ZNF474: variants seen among roughly 807,000 people sequenced by gnomAD.
ZNF474 encodes the protein zinc finger protein 474, also known as 4933409D10Rik.
For synonymous variants in ZNF474, 192 were observed against 162.2 expected (o/e 1.18, Z -1.39); for missense variants, 511 against 433.8 (o/e 1.18, Z -1.58).
intron 1 of ZNF474, chr5:122,147,871 G>T (rs1429503542): frequency 2.0e-5 from 3 of 152,148 alleles, no homozygotes; most frequent in Non-Finnish European, 4.4e-5. Context: ...CATGAACCCT[G>T]AAGAGAATGG....
At chr5:122,136,243 T>A (rs1005210014) in intron 1 of ZNF474, among the ~76,000 whole-genome samples, 1 of 152,158 alleles carries the variant, frequency 6.6e-6, no homozygotes, top group Admixed American at 6.6e-5. Flanking sequence ...TATCAAAATA[T>A]CATACCTATG....
At chr5:122,143,653 G>A (rs1755907212) in intron 1 of ZNF474, among the ~76,000 whole-genome samples, 1 of 152,136 alleles carries the variant, frequency 6.6e-6, no homozygotes, top group African/African-American at 2.4e-5. Flanking sequence ...GAAAGAAAAA[G>A]TGTACCAAAT....
chr5:122,143,633 C>G (rs1755906877), intron 1 of ZNF474, among the ~76,000 whole-genome samples: 2 of 152,156 alleles, frequency 1.3e-5, no homozygotes, highest in Non-Finnish European at 2.9e-5. Flanking sequence ...ACAAAATGGA[C>G]AGCTTGGCAG....
At chr5:122,133,926 A>T (rs1028364189) in intron 1 of ZNF474, among the ~76,000 whole-genome samples, 5 of 152,194 alleles carry the variant, frequency 3.3e-5, no homozygotes, top group African/African-American at 4.8e-5. Context: ...TACCAACTGG[A>T]CCTTCATATG....
At chr5:122,147,486 C>G (rs1044087649) in intron 1 of ZNF474, among the ~76,000 whole-genome samples, 2 of 152,154 alleles carry the variant, frequency 1.3e-5, no homozygotes, top group African/African-American at 4.8e-5. Flanking sequence ...TAAATCATCA[C>G]TTACATTAGG....
chr5:122,134,751 C>T (rs1319565817), intron 1 of ZNF474, among the ~76,000 whole-genome samples: 2 of 152,098 alleles, frequency 1.3e-5, no homozygotes, highest in African/African-American at 4.8e-5. Context: ...TCTTGAGTGC[C>T]TGGTACTTGG....
rs191665301 is a variant in ZNF474 at position 122,133,097 on chromosome 5, C to A, written c.-213+3414C>A. On this transcript the variant is annotated intron_variant, in intron 1 of 1. Coordinates refer to ENST00000296600, the MANE Select transcript of ZNF474 (RefSeq NM_207317.3). ...CCAAAAATATAGTTATAATCTTATTCAGGAATCATAATCCCAGTGAAAAAA... is the reference window on the plus strand; with the variant it reads ...CCAAAAATATAGTTATAATCTTATTAAGGAATCATAATCCCAGTGAAAAAA... 2.3e-3 allele frequency among the ~76,000 whole-genome samples: 355 copies of A among 152,170 alleles called. 2 individuals carry two copies. The highest frequency in any genetic ancestry group is 8.0e-3 in the African/African-American group (334 of 41,514).
intron 1 of ZNF474, among the ~76,000 whole-genome samples, chr5:122,137,538 G>C (rs1192134607): frequency 7.5e-6 from 1 of 133,504 alleles, no homozygotes; most frequent in Non-Finnish European, 1.6e-5. Context: ...GATAAAATAA[G>C]AAAGCTAAGC....
chr5:122,131,636 T>C (rs1755580644), intron 1 of ZNF474, among the ~76,000 whole-genome samples: 1 of 152,054 alleles, frequency 6.6e-6, no homozygotes, highest in African/African-American at 2.4e-5. Flanking sequence ...TAGATATATG[T>C]TTTTATTTAT....
chr5:122,150,444 C>A (rs1756136346), intron 1 of ZNF474, among the ~76,000 whole-genome samples: 1 of 152,196 alleles, frequency 6.6e-6, no homozygotes, highest in South Asian at 2.1e-4. Flanking sequence ...CACAGCTCTT[C>A]TTGTTCTTTA....
chr5:122,138,897 A>G (rs1755770598), intron 1 of ZNF474, among the ~76,000 whole-genome samples: 2 of 152,218 alleles, frequency 1.3e-5, no homozygotes, highest in Admixed American at 6.6e-5. Flanking sequence ...ACAATCAAGT[A>G]TACATATCCT....
At chr5:122,131,816 C>T (rs1253683024) in intron 1 of ZNF474, among the ~76,000 whole-genome samples, 4 of 151,918 alleles carry the variant, frequency 2.6e-5, no homozygotes, top group Non-Finnish European at 5.9e-5. Flanking sequence ...TCTATTCATA[C>T]CTTTTACCCA....
At chr5:122,149,204 G>A (rs899387848) in intron 1 of ZNF474, among the ~76,000 whole-genome samples, 4 of 152,144 alleles carry the variant, frequency 2.6e-5, no homozygotes. Flanking sequence ...TACTACCTGG[G>A]AGACAGATTC....
chr5:122,153,370 A>C lies in ZNF474; in HGVS notation c.*285A>C. ...GACAGTAATTTGAAAATGAGTCATT[A>C]ATGCTGTGTCTACATTACAGAGATA... On this transcript the variant is annotated 3_prime_UTR_variant, in exon 2 of 2. Transcript: ENST00000296600. 1 of 390,514 alleles carries C rather than the reference A, an allele frequency of 2.6e-6. No individual in the cohort carries two copies. Among genetic ancestry groups the C allele is most frequent in the Non-Finnish European group, 4.7e-6 (1 of 211,556 alleles). 24.2% of individuals were successfully genotyped at this position (390,514 alleles called of 1,614,324 possible). A position where few individuals can be genotyped will look rare whatever the true frequency, so the allele number is the denominator to read the frequency against.
intron 1 of ZNF474, among the ~76,000 whole-genome samples, chr5:122,137,395 C>T (rs141418502): frequency 0.015 from 1,836 of 122,364 alleles, 41 homozygotes; most frequent in African/African-American, 0.051. Context: ...TGCAGTGAGC[C>T]GAGATTATGC....
intron 1 of ZNF474, among the ~76,000 whole-genome samples, chr5:122,150,776 GA>G (rs1462785790): frequency 3.9e-5 from 6 of 152,114 alleles, no homozygotes; most frequent in Non-Finnish European, 5.9e-5. Context: ...TTCTGGTGGG[GA>G]TCCTTGGGGA....
chr5:122,152,886 T>C lies in ZNF474; in HGVS notation c.896T>C (p.Leu299Pro), dbSNP rs1177173665. 1.2e-6 allele frequency: 2 copies of C among 1,614,142 alleles called. No individual in the cohort carries two copies. Among genetic ancestry groups the C allele is most frequent in the Non-Finnish European group, 1.7e-6 (2 of 1,180,038 alleles). Reference sequence around the variant, plus strand: ...AGCCGAATCTTTACCTCAGACCGCCTCCTGGTACACCAGAGAAGTTGTAAA... The same window carrying C: ...AGCCGAATCTTTACCTCAGACCGCCCCCTGGTACACCAGAGAAGTTGTAAA... ...HCSRIFTSDR[L>P]LVHQRSCKTH... Residue 299 changes from leucine to proline, a missense_variant, in exon 2 of 2, where the codon CTC (leucine) becomes CCC (proline). Leu to Pro is a moderately conservative substitution (Grantham distance 98). Transcript: ENST00000296600.
intron 1 of ZNF474, among the ~76,000 whole-genome samples, 173 bp downstream of exon 1, chr5:122,129,856 T>C (rs555737947): frequency 6.6e-6 from 1 of 152,168 alleles, no homozygotes; most frequent in Non-Finnish European, 1.5e-5. Flanking sequence ...TGGGAAGAAA[T>C]ACAAATGACG....
chr5:122,151,898 A>G lies in ZNF474; in HGVS notation c.-93A>G. 1 of 1,477,580 alleles carries G rather than the reference A, an allele frequency of 6.8e-7. No homozygotes were observed. Among genetic ancestry groups the G allele is most frequent in the Non-Finnish European group, 9.0e-7 (1 of 1,111,850 alleles). The allele number at this position is 1,477,580 out of a possible 1,614,324, so 91.5% of individuals were successfully genotyped here. On this transcript the variant is annotated 5_prime_UTR_variant, in exon 2 of 2. Coordinates refer to ENST00000296600, the MANE Select transcript of ZNF474 (RefSeq NM_207317.3). Reference sequence around the variant, plus strand: ...TACTGGCAACGGTGTGAACCCCAGGACAACTAACCTCACTAACCTTCACTC... The same window carrying G: ...TACTGGCAACGGTGTGAACCCCAGGGCAACTAACCTCACTAACCTTCACTC...
Sources: allele counts gnomAD v4.1 joint callset (sites outside exome capture counted in the v4.1 genomes callset), GRCh38; gene constraint gnomAD v4.1.1; transcripts MANE v1.5; gene names NCBI Gene and HGNC (gene_info 2026-07-23, HGNC 2026-07-21).